SOCS6: variants seen among roughly 807,000 people sequenced by gnomAD.
SOCS6 encodes the protein STAT induced STAT inhibitor-4.
SOCS6 carries 5 observed loss-of-function variants against 27.7 expected under a neutral mutation model. That is an observed-to-expected ratio of 0.18 (90% CI 0.09 to 0.38). SOCS6 has a LOEUF of 0.38. SOCS6 is among the 10% of genes least tolerant of loss of function. The probability of loss-of-function intolerance (pLI) is 1.00; values close to 1 mark genes in which losing one functional copy is unlikely to be tolerated. For missense variants in SOCS6, 595 were observed against 688.1 expected (o/e 0.86, Z 1.51); for synonymous variants, 271 against 260.0 (o/e 1.04, Z -0.41).
At chr18:70,292,783 A>G (rs1186839084) in intron 1 of SOCS6, among the ~76,000 whole-genome samples, 1 of 152,170 alleles carries the variant, frequency 6.6e-6, no homozygotes, top group Non-Finnish European at 1.5e-5. Flanking sequence ...CCGTTCCTCA[A>G]CAATCTAAGC....
rs72483070 is a variant in SOCS6, at chr18:70,297,116, C to T, written c.-127+8026C>T. On this transcript the variant is annotated intron_variant, in intron 1 of 1. Transcript: ENST00000397942. ...TTTGTTTTCTAACTGTTCTCCTCAC[C>T]CCCTCTTTTTTAAACAAATAGCATC... is the stretch of plus-strand genomic sequence containing the variant. 7.6e-3 allele frequency among the ~76,000 whole-genome samples: 1,150 copies of T among 151,634 alleles called. 46 individuals carry two copies. In the East Asian group the frequency reaches 0.086, roughly 11 times the overall value.
intron 1 of SOCS6, among the ~76,000 whole-genome samples, chr18:70,319,016 T>C (rs1910879272): frequency 6.6e-6 from 1 of 152,222 alleles, no homozygotes. Flanking sequence ...TAGTTGAATT[T>C]ACTCCATTTA....
At chr18:70,317,250 T>G (rs909469273) in intron 1 of SOCS6, among the ~76,000 whole-genome samples, 7 of 152,152 alleles carry the variant, frequency 4.6e-5, no homozygotes, top group African/African-American at 1.4e-4. Context: ...ATCATTCTTA[T>G]GCCTTTGCAT....
At chr18:70,307,529 T>C (rs1029442078) in intron 1 of SOCS6, among the ~76,000 whole-genome samples, 1 of 152,252 alleles carries the variant, frequency 6.6e-6, no homozygotes, top group African/African-American at 2.4e-5. Flanking sequence ...TTACTCGTTA[T>C]AGGTCTATTT....
chr18:70,321,283 A>G (rs905131323), intron 1 of SOCS6, among the ~76,000 whole-genome samples: 11 of 149,472 alleles, frequency 7.4e-5, no homozygotes, highest in Non-Finnish European at 1.5e-4. Flanking sequence ...CTGTGTCTTC[A>G]ATAAATAAAT....
At position 70,327,242 on chromosome 18, in the gene SOCS6, T is replaced by C. The variant is rs2146303625; in HGVS notation, c.*966T>C. 6.0e-6 allele frequency: 1 copy of C among 167,102 alleles called. No homozygotes were observed. The highest frequency in any genetic ancestry group is 1.9e-4 in the East Asian group (1 of 5,198). The allele number at this position is 167,102 out of a possible 1,614,324, so 10.4% of individuals were successfully genotyped here. A position where few individuals can be genotyped will look rare whatever the true frequency, so the allele number is the denominator to read the frequency against. On this transcript the variant is annotated 3_prime_UTR_variant, in exon 2 of 2. Coordinates refer to ENST00000397942, the MANE Select transcript of SOCS6 (RefSeq NM_004232.4). ...TTGATTGTCAACTAATTTTCATAAATGGACTGGATTCTCTTGCAACATTAA... is the reference window on the plus strand; with the variant it reads ...TTGATTGTCAACTAATTTTCATAAACGGACTGGATTCTCTTGCAACATTAA...
rs1376012688 is a variant in SOCS6 at position 70,328,588 on chromosome 18, G to A, written c.*2312G>A. 6.0e-6 allele frequency: 1 copy of A among 166,748 alleles called. No individual in the cohort carries two copies. The highest frequency in any genetic ancestry group is 1.5e-5 in the Non-Finnish European group (1 of 68,074). 10.3% of individuals were successfully genotyped at this position (166,748 alleles called of 1,614,324 possible). ...AATTCAGAAAGCCAAATTTTGATGCGCTTTTGTATATTCATAATATATACT... is the reference window on the plus strand; with the variant it reads ...AATTCAGAAAGCCAAATTTTGATGCACTTTTGTATATTCATAATATATACT... On this transcript the variant is annotated 3_prime_UTR_variant, in exon 2 of 2. Transcript: ENST00000397942.
At chr18:70,301,853 A>G (rs2062349638) in intron 1 of SOCS6, among the ~76,000 whole-genome samples, 2 of 152,108 alleles carry the variant, frequency 1.3e-5, no homozygotes, top group African/African-American at 2.4e-5. Flanking sequence ...ATGAAAGGAA[A>G]AGGAGTGGTC....
intron 1 of SOCS6, among the ~76,000 whole-genome samples, chr18:70,323,934 C>T (rs775854922): frequency 3.9e-5 from 6 of 152,110 alleles, no homozygotes; most frequent in Non-Finnish European, 5.9e-5. Flanking sequence ...GATGTGGACA[C>T]TGGCCCACAC....
In SOCS6 at chr18:70,300,131, A is replaced by AT. The variant is rs373795477; in HGVS notation, c.-127+11052dup. 1.2e-4 allele frequency among the ~76,000 whole-genome samples: 18 copies of AT among 147,614 alleles called. 1 individual carries two copies. The highest frequency in any genetic ancestry group is 7.9e-4 in the East Asian group (4 of 5,048). On this transcript the variant is annotated intron_variant, in intron 1 of 1. Coordinates refer to ENST00000397942, the MANE Select transcript of SOCS6 (RefSeq NM_004232.4). Reference sequence around the variant, plus strand: ...TGTGCAGTCATTTAATCAATTCTTTATTTTTTTTTTTCCTTAAGACTTAGT... The same window carrying AT: ...TGTGCAGTCATTTAATCAATTCTTTATTTTTTTTTTTTCCTTAAGACTTAGT...
chr18:70,295,372 A>G (rs149238782), intron 1 of SOCS6, among the ~76,000 whole-genome samples: 55 of 152,348 alleles, frequency 3.6e-4, no homozygotes, highest in African/African-American at 1.2e-3. Context: ...TGACCATATC[A>G]ATAATATGCT....
Position 70,325,953 on chromosome 18 carries a change from C to T in SOCS6, c.1285C>T (p.Leu429Phe), listed in dbSNP as rs1346318841. The T allele has an allele frequency of 6.2e-7, 1 of 1,614,266 alleles. No individual in the cohort carries two copies. The highest frequency in any genetic ancestry group is 1.3e-5 in the African/African-American group (1 of 75,082). The change falls in exon 2 of 2, where the codon CTT becomes TTT. Residue 429 changes from leucine to phenylalanine, a missense_variant. Around this residue, in one of 2 missense-constraint regions of SOCS6, gnomAD observed 128 missense variants for 207.0 expected, o/e 0.62. Transcript: ENST00000397942. The surrounding 1 kb of genome is among the most constrained non-coding windows in gnomAD (Gnocchi z 6.3). ...SLSFRSHGKT[L>F]HTRIEHSNGR... ...GAGCTTTCGCTCCCATGGTAAAACA[C>T]TTCACACTAGAATTGAGCACTCAAA...
intron 1 of SOCS6, among the ~76,000 whole-genome samples, chr18:70,299,474 A>G (rs1253751263): frequency 6.6e-6 from 1 of 152,150 alleles, no homozygotes; most frequent in African/African-American, 2.4e-5. Flanking sequence ...TGTGTGTGCA[A>G]GGTCCCCGAA....
intron 1 of SOCS6, among the ~76,000 whole-genome samples, chr18:70,297,918 C>CA (rs1380768668): frequency 2.6e-5 from 4 of 152,160 alleles, no homozygotes; most frequent in African/African-American, 9.7e-5. Context: ...ACTGAAAACT[C>CA]AAATTCTCTA....
At chr18:70,315,442 T>G (rs1391488179) in intron 1 of SOCS6, among the ~76,000 whole-genome samples, 4 of 152,232 alleles carry the variant, frequency 2.6e-5, no homozygotes, top group Non-Finnish European at 1.5e-5. Flanking sequence ...ATCCTTTTCA[T>G]CTGAGTTTCA....
In SOCS6 at chr18:70,325,051, G is replaced by T; in HGVS notation, c.383G>T (p.Arg128Leu). 6.2e-7 allele frequency: 1 copy of T among 1,614,116 alleles called. No homozygotes were observed. The highest frequency in any genetic ancestry group is 8.5e-7 in the Non-Finnish European group (1 of 1,180,026). Residue 128 changes from arginine (R) to leucine (L), a missense_variant, in exon 2 of 2, where the codon CGC (arginine) becomes CTC (leucine). Coordinates refer to ENST00000397942, the MANE Select transcript of SOCS6 (RefSeq NM_004232.4). The surrounding 1 kb of genome is among the most constrained non-coding windows in gnomAD (Gnocchi z 6.3). ...AQRPIRSTSL[R>L]SHHYSPAPWP... ...AGGCCGATAAGGTCCACGTCGCTCC[G>T]CAGCCATCACTACAGTCCCGCGCCG...
intron 1 of SOCS6, among the ~76,000 whole-genome samples, chr18:70,316,959 T>A (rs909460707): frequency 1.3e-5 from 2 of 152,256 alleles, no homozygotes; most frequent in African/African-American, 4.8e-5. Context: ...CTTTTAAGTA[T>A]AATTAGAAGT....
Position 70,325,000 on chromosome 18 carries a change from T to C in SOCS6, c.332T>C (p.Ile111Thr). ...ACCTTCTCCTCCTCCTCAGCACCCA[T>C]AGTCTTTAAAGACGTGAGAGCTCAG... is the stretch of plus-strand genomic sequence containing the variant. ...EDTFSSSSAP[I>T]VFKDVRAQRP... is the part of the protein sequence containing the mutation. The change falls in exon 2 of 2, where the codon ATA (isoleucine) becomes ACA (threonine). Residue 111 changes from isoleucine to threonine, a missense_variant. By Grantham distance (89) the Ile-to-Thr change is moderately conservative. This residue lies in a region of SOCS6 where 467 missense variants were observed against 481.1 expected (regional missense o/e 0.97). Coordinates refer to ENST00000397942, the MANE Select transcript of SOCS6 (RefSeq NM_004232.4). The C allele has an allele frequency of 1.9e-6, 3 of 1,614,092 alleles. No homozygotes were observed. Among genetic ancestry groups the C allele is most frequent in the Non-Finnish European group, 2.5e-6 (3 of 1,180,000 alleles).
intron 1 of SOCS6, among the ~76,000 whole-genome samples, chr18:70,294,373 G>A (rs2062314261): frequency 6.6e-6 from 1 of 151,880 alleles, no homozygotes; most frequent in African/African-American, 2.4e-5. Context: ...CTTTGGAGGG[G>A]AGTTCCCTCA....
Sources: gnomAD v4.1 joint callset for allele counts (sites outside exome capture counted in the v4.1 genomes callset) on GRCh38, gnomAD v4.1.1 for gene constraint, gnomAD v4.1.1 regional missense constraint, Gnocchi (gnomAD v3.1) non-coding constraint, MANE v1.5 for transcripts, NCBI Gene and HGNC (gene_info 2026-07-23, HGNC 2026-07-21) for gene names.